Variants in LRCH1 observed in about 807,000 individuals in gnomAD.
LRCH1 encodes the protein leucine rich repeats and calponin homology domain containing 1, also known as leucine-rich repeat and calponin homology domain-containing protein 1.
In LRCH1, 23 loss-of-function variants were observed where a neutral mutation model predicts 94.9. That is an observed-to-expected ratio of 0.24 (90% CI 0.17 to 0.34). The LOEUF (loss-of-function observed/expected upper bound fraction) is 0.34, where lower values mean the gene tolerates loss of function less well. Ranked by LOEUF, LRCH1 falls within the 10% of genes least tolerant of loss-of-function variation. The probability of loss-of-function intolerance (pLI) is 1.00; values close to 1 mark genes in which losing one functional copy is unlikely to be tolerated. For synonymous variants in LRCH1, 364 were observed against 354.9 expected, an observed-to-expected ratio of 1.03 and a Z score of -0.29; for missense variants, 790 against 945.9, an observed-to-expected ratio of 0.84 and a Z score of 2.16.
intron 18 of LRCH1, among the ~76,000 whole-genome samples, chr13:46,733,482 A>G (rs1473886458): frequency 2.6e-5 from 4 of 152,196 alleles, no homozygotes; most frequent in African/African-American, 7.2e-5. Flanking sequence ...TACTTTAGGC[A>G]AACTAAAACA....
intron 1 of LRCH1, among the ~76,000 whole-genome samples, chr13:46,586,565 C>T (rs184806560): frequency 5.3e-5 from 8 of 152,234 alleles, no homozygotes; most frequent in Admixed American, 2.0e-4. Flanking sequence ...TATAGGCACA[C>T]GCCACCAACA....
intron 1 of LRCH1, among the ~76,000 whole-genome samples, chr13:46,613,557 G>A (rs2050771407): frequency 6.6e-6 from 1 of 152,050 alleles, no homozygotes; most frequent in Admixed American, 6.5e-5. Context: ...TAAGACCTGA[G>A]GCCCAAAGCG....
intron 5 of LRCH1, among the ~76,000 whole-genome samples, chr13:46,687,058 A>G (rs934913675): frequency 6.3e-5 from 9 of 143,992 alleles, no homozygotes; most frequent in Non-Finnish European, 1.2e-4. Flanking sequence ...TCCCAGGATC[A>G]AGTGATTCTC....
At chr13:46,690,160 A>G (rs776846831) in intron 7 of LRCH1, among the ~76,000 whole-genome samples, 1 of 152,168 alleles carries the variant, frequency 6.6e-6, no homozygotes, top group Non-Finnish European at 1.5e-5. Context: ...AATACTCTAT[A>G]TAGCAGTATA....
At chr13:46,632,330 T>C (rs749655713) in intron 1 of LRCH1, among the ~76,000 whole-genome samples, 7 of 152,192 alleles carry the variant, frequency 4.6e-5, no homozygotes, top group Admixed American at 6.5e-5. Context: ...CATTTGCTAG[T>C]TAAGAAGCAT....
At chr13:46,726,042 G>T (rs565489936) in intron 17 of LRCH1, among the ~76,000 whole-genome samples, 2 of 152,304 alleles carry the variant, frequency 1.3e-5, no homozygotes, top group Non-Finnish European at 2.9e-5. Context: ...ACTATTATAT[G>T]CAGTGTTTTT....
chr13:46,624,650 G>A (rs539044330), intron 1 of LRCH1, among the ~76,000 whole-genome samples: 3 of 152,304 alleles, frequency 2.0e-5, no homozygotes, highest in African/African-American at 7.2e-5. Context: ...CCTGAGATGG[G>A]GGGAAGACTG....
At chr13:46,572,521 T>C (rs183351473) in intron 1 of LRCH1, among the ~76,000 whole-genome samples, 437 of 152,186 alleles carry the variant, frequency 2.9e-3, no homozygotes, top group Admixed American at 4.8e-3. Context: ...TGCATAGCAA[T>C]ATGAATACTT....
At position 46,574,821 on chromosome 13, in the gene LRCH1, GGTT is replaced by G. The variant is rs1457365509; in HGVS notation, c.307+21119_307+21121del. On this transcript the variant is annotated intron_variant, in intron 1 of 19. Transcript: ENST00000389797. ...TTGTCTGGCATTTATTTGTGTGTGG[GGTT>G]TTTTTTTTTTTTTTTTTTTTTTGGT... Among the ~76,000 whole-genome samples the G allele has an allele frequency of 8.2e-5, 11 of 134,514 alleles. 1 individual carries two copies. The highest frequency in any genetic ancestry group is 2.7e-4 in the African/African-American group (9 of 33,924). The allele number at this position is 134,514 out of a possible 152,430, so 88.2% of individuals were successfully genotyped here.
intron 4 of LRCH1, among the ~76,000 whole-genome samples, chr13:46,684,337 T>A (rs1870494237): frequency 6.6e-6 from 1 of 152,166 alleles, no homozygotes; most frequent in Non-Finnish European, 1.5e-5. Flanking sequence ...CCTGTTTTCC[T>A]GAACTATGAT....
intron 1 of LRCH1, among the ~76,000 whole-genome samples, chr13:46,611,464 A>G (rs1210902650): frequency 6.6e-6 from 1 of 152,158 alleles, no homozygotes; most frequent in Non-Finnish European, 1.5e-5. Context: ...GCTCAAAAAC[A>G]CATGAGAGAT....
chr13:46,704,910 G>A (rs1445727101), intron 11 of LRCH1, among the ~76,000 whole-genome samples, 158 bp from the exon 12 acceptor site: 1 of 151,984 alleles, frequency 6.6e-6, no homozygotes, highest in Non-Finnish European at 1.5e-5. Context: ...AAAATACCAT[G>A]CACTTTGAAA....
At position 46,701,218 on chromosome 13, in the gene LRCH1, C is replaced by A; in HGVS notation, c.1400+11C>A. Reference sequence around the variant, plus strand: ...GCAAGATCCCAATGGGTGTGTATGTCTCCTTGGTCCAGGTTTCATGTGTAA... The same window carrying A: ...GCAAGATCCCAATGGGTGTGTATGTATCCTTGGTCCAGGTTTCATGTGTAA... On this transcript the variant is annotated intron_variant, in intron 11 of 19. Coordinates refer to ENST00000389797, the MANE Select transcript of LRCH1 (RefSeq NM_001164211.2). 2 of 1,590,352 alleles carry A rather than the reference C, an allele frequency of 1.3e-6. No individual in the cohort carries two copies. Among genetic ancestry groups the A allele is most frequent in the South Asian group, 1.1e-5 (1 of 90,400 alleles).
At chr13:46,673,101 A>T (rs1412244471) in intron 3 of LRCH1, among the ~76,000 whole-genome samples, 1 of 152,224 alleles carries the variant, frequency 6.6e-6, no homozygotes, top group Non-Finnish European at 1.5e-5. Flanking sequence ...CCTGTATAAT[A>T]TAAAAAATAT....
chr13:46,654,800 T>C (rs2051350554), intron 2 of LRCH1, among the ~76,000 whole-genome samples: 1 of 152,242 alleles, frequency 6.6e-6, no homozygotes, highest in African/African-American at 2.4e-5. Flanking sequence ...TAAAATACTT[T>C]CTTTTCTGTA....
intron 19 of LRCH1, among the ~76,000 whole-genome samples, chr13:46,735,788 CTTTTCTTTTTTTTT>C (rs1873344457): frequency 2.9e-5 from 2 of 69,916 alleles, no homozygotes; most frequent in African/African-American, 9.5e-5. Context: ...TTTTCTTTTT[CTTTTCTTTTTTTTT>C]TTTTTTTCGA....
intron 13 of LRCH1, among the ~76,000 whole-genome samples, chr13:46,710,299 C>G (rs1463877374): frequency 6.6e-6 from 1 of 152,154 alleles, no homozygotes; most frequent in Non-Finnish European, 1.5e-5. Flanking sequence ...GGGTTTGGCC[C>G]TGTAGCCAGG....
At chr13:46,650,104 A>C (rs1250585565) in intron 1 of LRCH1, 97 bp from the exon 2 acceptor site, 3 of 771,214 alleles carry the variant, frequency 3.9e-6, no homozygotes, top group Non-Finnish European at 4.0e-6. Context: ...TGTTGGTCAA[A>C]ATGTATAATG....
downstream of LRCH1, among the ~76,000 whole-genome samples, chr13:46,746,019 C>T (rs1050077389): frequency 2.0e-5 from 3 of 152,112 alleles, no homozygotes; most frequent in East Asian, 1.9e-4. Flanking sequence ...CCAGGGGCCA[C>T]GGGACCTCTT....
Sources: allele counts gnomAD v4.1 joint callset (sites outside exome capture counted in the v4.1 genomes callset), GRCh38; gene constraint gnomAD v4.1.1; transcripts MANE v1.5; gene names NCBI Gene and HGNC (gene_info 2026-07-23, HGNC 2026-07-21).